The following COLEC12 variants were observed in gnomAD, a reference collection of about 807,000 sequenced individuals.
COLEC12 encodes the protein collectin-12.
COLEC12 carries 33 observed loss-of-function variants against 71.1 expected under a neutral mutation model. That is an observed-to-expected ratio of 0.46 (90% CI 0.35 to 0.62). The LOEUF is 0.62. COLEC12 is among the 20% of genes least tolerant of loss of function. The probability of loss-of-function intolerance (pLI) is 0.00; values close to 1 mark genes in which losing one functional copy is unlikely to be tolerated. For missense variants in COLEC12, 765 were observed against 916.1 expected, an observed-to-expected ratio of 0.84 and a Z score of 2.13; for synonymous variants, 350 against 353.0, an observed-to-expected ratio of 0.99 and a Z score of 0.10.
At chr18:351,052 G>A (rs1914509391) in intron 3 of COLEC12, among the ~76,000 whole-genome samples, 2 of 151,408 alleles carry the variant, frequency 1.3e-5, no homozygotes, top group Admixed American at 6.6e-5. Context: ...TTCATCACAT[G>A]TTCTACCCAC....
intron 2 of COLEC12, among the ~76,000 whole-genome samples, chr18:460,387 G>C (rs1293702710): frequency 6.6e-6 from 1 of 152,118 alleles, no homozygotes; most frequent in Non-Finnish European, 1.5e-5. Flanking sequence ...CAAGGGAAGA[G>C]GTTTTCTTCC....
chr18:484,339 C>T (rs1917480253), intron 1 of COLEC12, among the ~76,000 whole-genome samples: 1 of 152,174 alleles, frequency 6.6e-6, no homozygotes, highest in South Asian at 2.1e-4. Context: ...AAACAAAGGC[C>T]TCACAGGCCA....
At chr18:325,633 T>A (rs1257635727) in intron 8 of COLEC12, among the ~76,000 whole-genome samples, 20 of 117,222 alleles carry the variant, frequency 1.7e-4, no homozygotes, top group African/African-American at 4.8e-4. Context: ...CAGCCTTTTT[T>A]TTTTTTTTTT....
intron 2 of COLEC12, among the ~76,000 whole-genome samples, chr18:415,674 T>C (rs1915973216): frequency 6.6e-6 from 1 of 152,178 alleles, no homozygotes; most frequent in Non-Finnish European, 1.5e-5. Context: ...AAGTCATGAC[T>C]TCATGACTTC....
intron 2 of COLEC12, among the ~76,000 whole-genome samples, chr18:368,406 C>G (rs1205265093): frequency 6.6e-6 from 1 of 151,896 alleles, no homozygotes; most frequent in Admixed American, 6.6e-5. Flanking sequence ...AACCTTATCT[C>G]TACTAAAAAC....
rs935183284 is a variant in COLEC12 at position 371,757 on chromosome 18, C to T, written c.59-14235G>A. Among the ~76,000 whole-genome samples the T allele has an allele frequency of 4.6e-5, 7 of 152,078 alleles. No individual in the cohort carries two copies. In the East Asian group the frequency reaches 1.2e-3, roughly 25 times the overall value. ...GGGTAACTTGTGTCCTGACAAGCTG[C>T]GAGAGCCTGAGGCAAAGGATCTGTG... On this transcript the variant is annotated intron_variant, in intron 2 of 9. Coordinates refer to ENST00000400256, the MANE Select transcript of COLEC12 (RefSeq NM_130386.3).
At chr18:419,765 C>T (rs1314673484) in intron 2 of COLEC12, among the ~76,000 whole-genome samples, 1 of 152,116 alleles carries the variant, frequency 6.6e-6, no homozygotes, top group Non-Finnish European at 1.5e-5. Flanking sequence ...TTGCTATTCC[C>T]CTCATTAAGA....
intron 2 of COLEC12, among the ~76,000 whole-genome samples, chr18:473,643 G>A (rs887392693): frequency 2.6e-5 from 4 of 152,208 alleles, no homozygotes; most frequent in Non-Finnish European, 4.4e-5. Context: ...GATTACAGGC[G>A]TAAGCCACAG....
intron 2 of COLEC12, among the ~76,000 whole-genome samples, chr18:385,076 C>T (rs2143572689): frequency 6.6e-6 from 1 of 152,218 alleles, no homozygotes; most frequent in East Asian, 1.9e-4. Flanking sequence ...CATGGTTGTC[C>T]AAGTTAATTA....
intron 2 of COLEC12, among the ~76,000 whole-genome samples, chr18:479,303 G>T (rs573073372): frequency 2.0e-5 from 3 of 152,158 alleles, no homozygotes; most frequent in Non-Finnish European, 4.4e-5. Context: ...GGCTGCACGC[G>T]GGCCGCTCTG....
intron 5 of COLEC12, among the ~76,000 whole-genome samples, chr18:336,244 G>A (rs1256927801): frequency 1.3e-5 from 2 of 152,092 alleles, no homozygotes; most frequent in African/African-American, 4.8e-5. Context: ...ACTCACCCAT[G>A]GGCCAGCTCA....
chr18:434,771 T>C (rs1916371372), intron 2 of COLEC12, among the ~76,000 whole-genome samples: 1 of 152,238 alleles, frequency 6.6e-6, no homozygotes, highest in African/African-American at 2.4e-5. Flanking sequence ...CAGTGGCTCT[T>C]TTTTTCCTTA....
At chr18:331,626 G>A in intron 8 of COLEC12, 42 bp downstream of exon 8, 1 of 1,274,582 alleles carries the variant, frequency 7.8e-7, no homozygotes, top group South Asian at 1.2e-5. Context: ...CAACAGAACA[G>A]TGAGAGCCTG....
At chr18:371,604 A>T (rs1354846438) in intron 2 of COLEC12, among the ~76,000 whole-genome samples, 2 of 152,060 alleles carry the variant, frequency 1.3e-5, no homozygotes, top group South Asian at 2.1e-4. Flanking sequence ...ATTTTTTTTT[A>T]AAGAAAGAGA....
intron 2 of COLEC12, among the ~76,000 whole-genome samples, chr18:414,444 C>T (rs567039619): frequency 1.3e-5 from 2 of 152,024 alleles, no homozygotes; most frequent in East Asian, 3.9e-4. Flanking sequence ...ACTAAAAATA[C>T]AAAATTAGCT....
At chr18:380,654 G>A (rs191638116) in intron 2 of COLEC12, among the ~76,000 whole-genome samples, 35 of 152,236 alleles carry the variant, frequency 2.3e-4, no homozygotes, top group Admixed American at 8.5e-4. Flanking sequence ...ATCTCTAGGG[G>A]TGTGGGTTCC....
chr18:449,821 A>G (rs890359926), intron 2 of COLEC12, among the ~76,000 whole-genome samples: 1 of 152,188 alleles, frequency 6.6e-6, no homozygotes, highest in African/African-American at 2.4e-5. Context: ...CCTGGCTGAG[A>G]CTTTCTCAGA....
At chr18:460,992 G>A (rs1352486794) in intron 2 of COLEC12, among the ~76,000 whole-genome samples, 1 of 152,168 alleles carries the variant, frequency 6.6e-6, no homozygotes, top group Non-Finnish European at 1.5e-5. Context: ...GTCAGTCAAG[G>A]CTCACTGCTT....
chr18:423,166 A>T (rs1273048798), intron 2 of COLEC12, among the ~76,000 whole-genome samples: 3 of 152,150 alleles, frequency 2.0e-5, no homozygotes, highest in Non-Finnish European at 4.4e-5. Context: ...CTCCTTGGGA[A>T]GATGAGGTGG....
Sources: allele counts gnomAD v4.1 joint callset (sites outside exome capture counted in the v4.1 genomes callset), GRCh38; gene constraint gnomAD v4.1.1; transcripts MANE v1.5; gene names NCBI Gene and HGNC (gene_info 2026-07-23, HGNC 2026-07-21).